Variants in PTRH1 observed in about 807,000 individuals in gnomAD.
PTRH1 encodes peptidyl-tRNA hydrolase.
A neutral mutation model predicts 15.7 loss-of-function variants in PTRH1; 13 were observed. The observed-to-expected ratio is 0.83, with a 90% CI of 0.54 to 1.31. The LOEUF is 1.31. Among genes scored for constraint, PTRH1 ranks in the 40% most tolerant of loss-of-function variants. PTRH1 has a pLI of 0.00. For missense variants in PTRH1, 319 were observed against 296.2 expected, an observed-to-expected ratio of 1.08 and a Z score of -0.56; for synonymous variants, 139 against 136.7, an observed-to-expected ratio of 1.02 and a Z score of -0.12.
intron 1 of PTRH1, among the ~76,000 whole-genome samples, chr9:127,700,408 T>C (rs1177297364): frequency 6.6e-6 from 1 of 152,124 alleles, no homozygotes; most frequent in Non-Finnish European, 1.5e-5. Context: ...CTCTGTACCT[T>C]TCCTCTGTCA....
At chr9:127,712,819 T>G (rs377334421), downstream of PTRH1, 14 of 1,613,948 alleles carry the variant, frequency 8.7e-6, no homozygotes, top group Non-Finnish European at 1.2e-5. Flanking sequence ...CCACGAGACC[T>G]CAGAAGGCTG....
downstream of PTRH1, chr9:127,709,422 G>A (rs767284002): frequency 6.2e-7 from 1 of 1,612,716 alleles, no homozygotes; most frequent in African/African-American, 1.3e-5. The surrounding 1 kb of genome is among the most constrained non-coding windows in gnomAD (Gnocchi z 4.7). Context: ...CCTGCCCCAG[G>A]TACCAGCGGA....
chr9:127,713,231 A>T (rs749344470), downstream of PTRH1: 189 of 1,505,904 alleles, frequency 1.3e-4, no homozygotes, highest in Non-Finnish European at 1.7e-4. Context: ...GGCCCCAGGG[A>T]AAGCAAGGTG....
At chr9:127,709,091 T>C (rs1416642348), downstream of PTRH1, among the ~76,000 whole-genome samples, 1 of 152,228 alleles carries the variant, frequency 6.6e-6, no homozygotes, top group African/African-American at 2.4e-5. This position sits in a 1 kb window ranked among gnomAD's most constrained non-coding sequence, Gnocchi z 4.7. Context: ...TACATTCTTA[T>C]AGGTTGTTGT....
At chr9:127,710,693 G>A (rs1159400807), downstream of PTRH1, 3 of 1,576,814 alleles carry the variant, frequency 1.9e-6, no homozygotes, top group Non-Finnish European at 2.6e-6. Context: ...GCGGAAGCAG[G>A]AGAATGAGTT....
chr9:127,712,255 G>A (rs200919866), downstream of PTRH1: 308 of 1,613,968 alleles, frequency 1.9e-4, no homozygotes, highest in African/African-American at 2.3e-3. Flanking sequence ...GATTTGCAGC[G>A]GCTACAGCAG....
chr9:127,704,423 C>T (rs529360013), intron 1 of PTRH1, among the ~76,000 whole-genome samples: 3 of 150,354 alleles, frequency 2.0e-5, no homozygotes, highest in South Asian at 2.1e-4. Flanking sequence ...GCAGGAGAAT[C>T]GCTTGAACCC....
intron 1 of PTRH1, among the ~76,000 whole-genome samples, chr9:127,696,269 G>C (rs1253910477): frequency 6.6e-6 from 1 of 152,194 alleles, no homozygotes; most frequent in Non-Finnish European, 1.5e-5. Context: ...CCAGGAGTTC[G>C]AGGCTGCAGT....
At chr9:127,698,676 C>T (rs1024781208) in intron 1 of PTRH1, among the ~76,000 whole-genome samples, 2 of 152,104 alleles carry the variant, frequency 1.3e-5, no homozygotes, top group Non-Finnish European at 2.9e-5. Flanking sequence ...GACCCTGTCT[C>T]AAAAAATAAA....
At chr9:127,710,545 C>T (rs1842741026), downstream of PTRH1, 7 of 1,548,150 alleles carry the variant, frequency 4.5e-6, no homozygotes, top group Non-Finnish European at 6.1e-6. Flanking sequence ...AGGTCCTCGC[C>T]AGGCCCTGTC....
chr9:127,709,487 T>C (rs1842714812), downstream of PTRH1: 2 of 1,614,058 alleles, frequency 1.2e-6, no homozygotes, highest in Non-Finnish European at 1.7e-6. The surrounding 1 kb of genome is among the most constrained non-coding windows in gnomAD (Gnocchi z 4.7). Context: ...TTTGAGCAGC[T>C]GGCCAATAAC....
intron 1 of PTRH1, among the ~76,000 whole-genome samples, chr9:127,699,380 G>A (rs1305338221): frequency 1.3e-5 from 2 of 152,238 alleles, no homozygotes; most frequent in Admixed American, 6.5e-5. Context: ...ACCCAACACC[G>A]GTCACGCGGC....
chr9:127,714,926 A>ACCCCCCCC, intron 2 of PTRH1, 49 bp downstream of exon 2: 2 of 629,308 alleles, frequency 3.2e-6, no homozygotes, highest in Non-Finnish European at 5.1e-6. Flanking sequence ...CCGCGCCCCA[A>ACCCCCCCC]CCCCCACCCC....
intron 1 of PTRH1, chr9:127,695,364 G>T (rs1297561378): frequency 2.0e-6 from 1 of 511,368 alleles, no homozygotes; most frequent in Non-Finnish European, 3.4e-6. Flanking sequence ...TTTATATAAA[G>T]CTTCAATGTT....
chr9:127,697,925 G>GA (rs1216553449), intron 1 of PTRH1, among the ~76,000 whole-genome samples: 2 of 151,988 alleles, frequency 1.3e-5, no homozygotes, highest in Non-Finnish European at 2.9e-5. Context: ...GACAAAACAA[G>GA]AAAAAATAGG....
rs751828588 is a variant in PTRH1 at position 127,715,652 on chromosome 9, CA to C, written c.-14del. 2.2e-4 allele frequency: 355 copies of C among 1,609,328 alleles called. 1 individual carries two copies. The highest frequency in any genetic ancestry group is 1.7e-3 in the South Asian group (156 of 90,812). ...CGCCCGGCCTCATGCTGCCCCCATT[CA>C]CTCCGACACCGCCCCCTGACGTCAT... On this transcript the variant is annotated 5_prime_UTR_variant, in exon 1 of 5. Transcript: ENST00000543175. This position sits in a 1 kb window ranked among gnomAD's most constrained non-coding sequence, Gnocchi z 5.8.
chr9:127,698,692 T>C (rs10123531), intron 1 of PTRH1, among the ~76,000 whole-genome samples: 1 of 151,938 alleles, frequency 6.6e-6, no homozygotes, highest in Admixed American at 6.6e-5. Context: ...ATAAAAATGG[T>C]TGGGGCAAAT....
At chr9:127,701,067 T>G (rs1382565888) in intron 1 of PTRH1, among the ~76,000 whole-genome samples, 7 of 152,242 alleles carry the variant, frequency 4.6e-5, no homozygotes, top group African/African-American at 1.4e-4. Flanking sequence ...TCAAACCACC[T>G]TCATGAATAT....
At chr9:127,708,940 G>A (rs1435261811), downstream of PTRH1, among the ~76,000 whole-genome samples, 1 of 152,274 alleles carries the variant, frequency 6.6e-6, no homozygotes, top group African/African-American at 2.4e-5. Flanking sequence ...AGCAGGCATT[G>A]TGGCTAAGAG....
Sources: allele counts gnomAD v4.1 joint callset (sites outside exome capture counted in the v4.1 genomes callset), GRCh38; gene constraint gnomAD v4.1.1; non-coding constraint Gnocchi (gnomAD v3.1); transcripts MANE v1.5; gene names NCBI Gene and HGNC (gene_info 2026-07-23, HGNC 2026-07-21).